Variants in BRINP3 observed in about 807,000 individuals in gnomAD.
The protein encoded by BRINP3 is BMP/retinoic acid-inducible neural-specific protein 3.
In BRINP3, 19 loss-of-function variants were observed where a neutral mutation model predicts 71.0. That is an observed-to-expected ratio of 0.27 (90% confidence interval 0.19 to 0.39). The LOEUF (loss-of-function observed/expected upper bound fraction) is 0.39. BRINP3 is among the 10% of genes least tolerant of loss of function. The probability of loss-of-function intolerance (pLI) is 1.00; values close to 1 mark genes in which losing one functional copy is unlikely to be tolerated. For synonymous variants in BRINP3, 380 were observed against 337.7 expected, an observed-to-expected ratio of 1.13 and a Z score of -1.37; for missense variants, 959 against 940.8, an observed-to-expected ratio of 1.02 and a Z score of -0.25.
intron 2 of BRINP3, among the ~76,000 whole-genome samples, chr1:190,329,011 AG>A (rs1666790786): frequency 6.6e-6 from 1 of 152,034 alleles, no homozygotes; most frequent in Non-Finnish European, 1.5e-5. Flanking sequence ...TCACTGTTGA[AG>A]GCACATACCT....
chr1:190,113,328 C>T (rs896886053), intron 7 of BRINP3, among the ~76,000 whole-genome samples: 4 of 152,088 alleles, frequency 2.6e-5, no homozygotes, highest in Non-Finnish European at 5.9e-5. Context: ...CCTTCTTCTT[C>T]CTAACCATCT....
chr1:190,223,645 T>C (rs369542396), intron 6 of BRINP3, among the ~76,000 whole-genome samples: 7 of 152,026 alleles, frequency 4.6e-5, no homozygotes, highest in African/African-American at 1.7e-4. Context: ...TCACCACTTT[T>C]ATTCAACATG....
chr1:190,281,680 G>A lies in BRINP3; in HGVS notation c.307C>T (p.Leu103Phe), dbSNP rs1663051722. The A allele has an allele frequency of 2.5e-6, 4 of 1,612,936 alleles. No individual in the cohort carries two copies. The highest frequency in any genetic ancestry group is 3.4e-6 in the Non-Finnish European group (4 of 1,179,322). ...ATGTTGCGGAAGAATTCAGGGGCAAGAGGCAGAGGAGAGCCAAGGAAATTT... is the reference window on the plus strand; with the variant it reads ...ATGTTGCGGAAGAATTCAGGGGCAAAAGGCAGAGGAGAGCCAAGGAAATTT... Reference protein sequence around the residue: ...RRNFLGSPLPLAPEFFRNIRL... With the variant: ...RRNFLGSPLPFAPEFFRNIRL... The change falls in exon 3 of 8, where the codon CTT (leucine) becomes TTT (phenylalanine). Residue 103 changes from leucine to phenylalanine, a missense_variant. Leu to Phe is a conservative substitution (Grantham distance 22). Coordinates refer to ENST00000367462, the MANE Select transcript of BRINP3 (RefSeq NM_199051.3).
At chr1:190,465,223 T>G (rs563587848) in intron 1 of BRINP3, among the ~76,000 whole-genome samples, 2 of 152,012 alleles carry the variant, frequency 1.3e-5, no homozygotes, top group Non-Finnish European at 2.9e-5. Context: ...GTACTTCATT[T>G]TAATTCATAA....
chr1:190,215,619 T>C (rs921934577), intron 6 of BRINP3, among the ~76,000 whole-genome samples: 1 of 151,956 alleles, frequency 6.6e-6, no homozygotes, highest in Non-Finnish European at 1.5e-5. Flanking sequence ...ATCTTTGCAA[T>C]ACTGCAGTAT....
chr1:190,446,472 T>C (rs1025047999), intron 2 of BRINP3, among the ~76,000 whole-genome samples: 2 of 152,034 alleles, frequency 1.3e-5, no homozygotes, highest in African/African-American at 4.8e-5. Context: ...GGGGGAAAGA[T>C]AAGTAATTAC....
At chr1:190,449,310 G>A (rs942853107) in intron 2 of BRINP3, among the ~76,000 whole-genome samples, 5 of 151,624 alleles carry the variant, frequency 3.3e-5, no homozygotes, top group Admixed American at 1.3e-4. Context: ...TCTGTTTCTA[G>A]AGATACCACA....
chr1:190,154,809 G>A (rs1656720279), intron 7 of BRINP3, among the ~76,000 whole-genome samples: 1 of 152,104 alleles, frequency 6.6e-6, no homozygotes. Flanking sequence ...TGCAGGCTGA[G>A]GTAGCCACGT....
At chr1:190,290,956 A>G (rs2102966524) in intron 2 of BRINP3, among the ~76,000 whole-genome samples, 1 of 151,752 alleles carries the variant, frequency 6.6e-6, no homozygotes, top group South Asian at 2.1e-4. Context: ...TGCATGGGAG[A>G]GACAGAAAAA....
At chr1:190,118,510 G>A (rs1653339018) in intron 7 of BRINP3, among the ~76,000 whole-genome samples, 2 of 151,890 alleles carry the variant, frequency 1.3e-5, no homozygotes, top group Non-Finnish European at 1.5e-5. Flanking sequence ...CTCACGTCTC[G>A]CCTTTATTAA....
At chr1:190,355,349 T>C (rs1232808467) in intron 2 of BRINP3, among the ~76,000 whole-genome samples, 1 of 151,854 alleles carries the variant, frequency 6.6e-6, no homozygotes, top group Non-Finnish European at 1.5e-5. Flanking sequence ...TGACATGTCA[T>C]GGAACACCAC....
At chr1:190,206,876 T>C (rs1467648483) in intron 6 of BRINP3, among the ~76,000 whole-genome samples, 1 of 151,552 alleles carries the variant, frequency 6.6e-6, no homozygotes, top group Non-Finnish European at 1.5e-5. Context: ...ATGATAGTTG[T>C]AGGCAAATAC....
At chr1:190,301,931 C>T (rs986373205) in intron 2 of BRINP3, among the ~76,000 whole-genome samples, 14 of 151,654 alleles carry the variant, frequency 9.2e-5, no homozygotes, top group Non-Finnish European at 1.8e-4. Context: ...CTATAGTTCC[C>T]TATATTTCTT....
intron 6 of BRINP3, among the ~76,000 whole-genome samples, chr1:190,182,846 TA>T (rs1306618416): frequency 9.2e-5 from 14 of 152,246 alleles, no homozygotes; most frequent in African/African-American, 3.4e-4. Flanking sequence ...ATATGGACAG[TA>T]AAATAATCAA....
At chr1:190,116,365 A>C (rs1293158346) in intron 7 of BRINP3, among the ~76,000 whole-genome samples, 1 of 152,116 alleles carries the variant, frequency 6.6e-6, no homozygotes, top group Non-Finnish European at 1.5e-5. Flanking sequence ...CACATACTTT[A>C]GATATGCTAT....
intron 2 of BRINP3, chr1:190,342,532 G>T (rs959448827): frequency 1.3e-5 from 2 of 149,888 alleles, no homozygotes; most frequent in Non-Finnish European, 3.0e-5. Context: ...TTTCATTTCA[G>T]GTAGGCACTT....
At chr1:190,265,539 A>AATAT (rs36099005) in intron 3 of BRINP3, among the ~76,000 whole-genome samples, 12,997 of 138,954 alleles carry the variant, frequency 0.094, 671 homozygotes, top group Non-Finnish European at 0.11. Context: ...GTCTCTACTA[A>AATAT]ATATATATAT....
Position 190,098,441 on chromosome 1 carries a change from G to A in BRINP3, c.1878C>T (p.His626=). 6.2e-7 allele frequency: 1 copy of A among 1,614,152 alleles called. No individual in the cohort carries two copies. The highest frequency in any genetic ancestry group is 8.5e-7 in the Non-Finnish European group (1 of 1,180,024). ...NKWKTFFETV[H]IYLRSRIKSN... The stretch of plus-strand genomic sequence containing the variant: ...ACTTGATGCGACTTCTCAGGTAGAT[G>A]TGTACTGTCTCAAAAAATGTCTTCC... Residue 626 remains histidine, a synonymous_variant, in exon 8 of 8, where the codon CAC becomes CAT. Coordinates refer to ENST00000367462, the MANE Select transcript of BRINP3 (RefSeq NM_199051.3).
At chr1:190,322,395 C>G (rs1352986723) in intron 2 of BRINP3, among the ~76,000 whole-genome samples, 2 of 151,908 alleles carry the variant, frequency 1.3e-5, no homozygotes, top group African/African-American at 2.4e-5. Context: ...TAGTCTGCAC[C>G]CTGTGTTAAG....
Sources: gnomAD v4.1 joint callset for allele counts (sites outside exome capture counted in the v4.1 genomes callset) on GRCh38, gnomAD v4.1.1 for gene constraint, MANE v1.5 for transcripts, NCBI Gene and HGNC (gene_info 2026-07-23, HGNC 2026-07-21) for gene names.